Variants in MMP3 observed in about 807,000 individuals in gnomAD.
The protein encoded by MMP3 is matrix metallopeptidase 3, also known as stromelysin-1.
Under a neutral mutation model 47.3 loss-of-function variants are expected in MMP3, and 46 were observed. The observed-to-expected ratio is 0.97, with a 90% CI of 0.77 to 1.24. The LOEUF is 1.24. MMP3 is among the 50% of genes most tolerant of loss of function. MMP3 has a pLI of 0.00. For missense variants in MMP3, 558 were observed against 565.5 expected (o/e 0.99, Z 0.13); for synonymous variants, 216 against 206.5 (o/e 1.05, Z -0.39).
rs556834814 is a variant in MMP3 at position 102,836,534 on chromosome 11, A to C, written c.1334-308T>G. On this transcript the variant is annotated intron_variant, in intron 9 of 9. Transcript: ENST00000299855. This position sits in a 1 kb window ranked among gnomAD's most constrained non-coding sequence, Gnocchi z 4.6. ...GCACTCGGTGCCAGCTCTGTCTGAA[A>C]ACACAGCCAGATTCCAGGTTACAGG... 2.0e-6 allele frequency: 1 copy of C among 511,210 alleles called. No individual in the cohort carries two copies. Among genetic ancestry groups the C allele is most frequent in the Admixed American group, 2.3e-5 (1 of 43,804 alleles). 31.7% of individuals were successfully genotyped at this position (511,210 alleles called of 1,614,324 possible). A position where few individuals can be genotyped will look rare whatever the true frequency, so the allele number is the denominator to read the frequency against.
At chr11:102,843,341 A>T in intron 1 of MMP3, 101 bp downstream of exon 1, 2 of 807,170 alleles carry the variant, frequency 2.5e-6, no homozygotes. Context: ...CTGTTCCTAC[A>T]CAGTAAGCTC....
At position 102,838,678 on chromosome 11, in the gene MMP3, C is replaced by G. The variant is rs1858932555; in HGVS notation, c.1102G>C (p.Val368Leu). The change falls in exon 8 of 10, where the codon GTA (valine) becomes CTA (leucine). Residue 368 changes from valine (V) to leucine (L), a missense_variant. Val to Leu is a conservative substitution (Grantham distance 32). Coordinates refer to ENST00000299855, the MANE Select transcript of MMP3 (RefSeq NM_002422.5). ...ATGCCTCTTGGGTATCCAGCTCGTA[C>G]CTCATTTCCTCTGATAGCCCAGAAT... The part of the protein sequence containing the change: ...NQFWAIRGNE[V>L]RAGYPRGIHT... 5 of 1,613,620 alleles carry G rather than the reference C, an allele frequency of 3.1e-6. No homozygotes were observed. Among genetic ancestry groups the G allele is most frequent in the Middle Eastern group, 1.6e-4 (1 of 6,082 alleles).
chr11:102,838,737 A>C, intron 7 of MMP3, 27 bp from the exon 8 acceptor site: 1 of 1,596,186 alleles, frequency 6.3e-7, no homozygotes, highest in Non-Finnish European at 8.6e-7. Flanking sequence ...ATTCAGAGTC[A>C]TATTGAATTA....
At position 102,843,497 on chromosome 11, in the gene MMP3, G is replaced by C; in HGVS notation, c.50C>G (p.Ala17Gly). The C allele has an allele frequency of 6.2e-7, 1 of 1,613,714 alleles. No individual in the cohort carries two copies. Among genetic ancestry groups the C allele is most frequent in the Non-Finnish European group, 8.5e-7 (1 of 1,179,822 alleles). Residue 17 changes from alanine to glycine, a missense_variant, in exon 1 of 10, where the codon GCC becomes GGC. Physicochemically the swap from Ala to Gly is moderately conservative, Grantham distance 60. Coordinates refer to ENST00000299855, the MANE Select transcript of MMP3 (RefSeq NM_002422.5). ...LLLLCVAVCSAYPLDGAARGE... is the reference protein window; with the variant it reads ...LLLLCVAVCSGYPLDGAARGE... ...CCTTGCAGCTCCATCCAATGGATAGGCTGAGCAAACTGCCACGCACAGCAA... is the reference window on the plus strand; with the variant it reads ...CCTTGCAGCTCCATCCAATGGATAGCCTGAGCAAACTGCCACGCACAGCAA...
At chr11:102,838,084 T>A (rs1465369841) in intron 8 of MMP3, among the ~76,000 whole-genome samples, 1 of 152,138 alleles carries the variant, frequency 6.6e-6, no homozygotes, top group African/African-American at 2.4e-5. Context: ...TATAGTAGTG[T>A]TAGGAAGACA....
chr11:102,842,598 A>G lies in MMP3; in HGVS notation c.351-19T>C, dbSNP rs1555005726. The G allele has an allele frequency of 1.2e-6, 2 of 1,613,478 alleles. No individual in the cohort carries two copies. On this transcript the variant is annotated intron_variant, in intron 2 of 9. Coordinates refer to ENST00000299855, the MANE Select transcript of MMP3 (RefSeq NM_002422.5). ...CACAATCCTGTAGGAGAAAAATTGAAGCAGATGCTATTTTCTCCTATGATA... is the reference window on the plus strand; with the variant it reads ...CACAATCCTGTAGGAGAAAAATTGAGGCAGATGCTATTTTCTCCTATGATA...
At chr11:102,839,285 T>G in intron 6 of MMP3, 42 bp from the exon 7 acceptor site, 1 of 1,610,674 alleles carries the variant, frequency 6.2e-7, no homozygotes, top group Non-Finnish European at 8.5e-7. Flanking sequence ...AAAAACAATC[T>G]TTCACCTTTA....
At position 102,843,471 on chromosome 11, in the gene MMP3, C is replaced by A. The variant is rs1555005939; in HGVS notation, c.76G>T (p.Gly26Cys). The A allele has an allele frequency of 6.2e-7, 1 of 1,613,532 alleles. No individual in the cohort carries two copies. Among genetic ancestry groups the A allele is most frequent in the South Asian group, 1.1e-5 (1 of 91,010 alleles). Residue 26 changes from glycine (G) to cysteine (C), a missense_variant, in exon 1 of 10, where the codon GGT (glycine) becomes TGT (cysteine). By Grantham distance (159) the Gly-to-Cys change is radical. Coordinates refer to ENST00000299855, the MANE Select transcript of MMP3 (RefSeq NM_002422.5). ...ACAAGGTTCATGCTGGTGTCCTCACCCCTTGCAGCTCCATCCAATGGATAG... is the reference window on the plus strand; with the variant it reads ...ACAAGGTTCATGCTGGTGTCCTCACACCTTGCAGCTCCATCCAATGGATAG... ...SAYPLDGAAR[G>C]EDTSMNLVQK...
intron 5 of MMP3, 56 bp from the exon 6 acceptor site, chr11:102,840,308 C>T: frequency 6.3e-6 from 10 of 1,596,736 alleles, no homozygotes; most frequent in Non-Finnish European, 8.5e-6. Context: ...CATTTGTATG[C>T]TTTCCAAACA....
intron 4 of MMP3, among the ~76,000 whole-genome samples, chr11:102,840,939 C>A (rs887890476): frequency 5.9e-5 from 9 of 151,544 alleles, no homozygotes; most frequent in Non-Finnish European, 1.0e-4. Flanking sequence ...CTTAGCATAT[C>A]AGATATTTAC....
chr11:102,841,791 G>A (rs1555005459), intron 4 of MMP3, among the ~76,000 whole-genome samples: 1 of 151,890 alleles, frequency 6.6e-6, no homozygotes, highest in Non-Finnish European at 1.5e-5. Context: ...GTAAATGGAG[G>A]AAATTACATA....
chr11:102,841,714 A>AG (rs1428926373), intron 4 of MMP3, among the ~76,000 whole-genome samples: 1 of 142,392 alleles, frequency 7.0e-6, no homozygotes, highest in Non-Finnish European at 1.6e-5. Flanking sequence ...CTCAGCCAGA[A>AG]AAAAAAAAAA....
rs575994222 is a variant in MMP3 at position 102,840,490 on chromosome 11, G to A, written c.729C>T (p.Leu243=). 1.2e-6 allele frequency: 2 copies of A among 1,614,116 alleles called. No individual in the cohort carries two copies. Among genetic ancestry groups the A allele is most frequent in the Non-Finnish European group, 1.7e-6 (2 of 1,180,002 alleles). ...EALMYPLYHS[L]TDLTRFRLSQ... ...ACAGGCGGAACCGAGTCAGGTCTGT[G>A]AGTGAGTGATAGAGTGGGTACATCA... The change falls in exon 5 of 10, where the codon CTC becomes CTT. Residue 243 remains leucine (L), a synonymous_variant. Coordinates refer to ENST00000299855, the MANE Select transcript of MMP3 (RefSeq NM_002422.5).
chr11:102,837,205 A>G lies in MMP3; in HGVS notation c.1333+93T>C. 2 of 952,680 alleles carry G rather than the reference A, an allele frequency of 2.1e-6. 1 individual carries two copies. Among genetic ancestry groups the G allele is most frequent in the Non-Finnish European group, 3.3e-6 (2 of 609,838 alleles). The allele number at this position is 952,680 out of a possible 1,614,324, so 59.0% of individuals were successfully genotyped here. On this transcript the variant is annotated intron_variant, in intron 9 of 9. Coordinates refer to ENST00000299855, the MANE Select transcript of MMP3 (RefSeq NM_002422.5). The surrounding 1 kb of genome is among the most constrained non-coding windows in gnomAD (Gnocchi z 4.4). ...GAGAAGGGAACTGGCCCTAAGAAAC[A>G]CTTGTTATTAAAAAGTTTCAATGCT...
In MMP3 at chr11:102,836,277, T is replaced by C. The variant is rs1555004539; in HGVS notation, c.1334-51A>G. 1 of 1,370,480 alleles carries C rather than the reference T, an allele frequency of 7.3e-7. No homozygotes were observed. The highest frequency in any genetic ancestry group is 2.3e-5 in the East Asian group (1 of 43,600). 84.9% of individuals were successfully genotyped at this position (1,370,480 alleles called of 1,614,324 possible). A position where few individuals can be genotyped will look rare whatever the true frequency, so the allele number is the denominator to read the frequency against. On this transcript the variant is annotated intron_variant, in intron 9 of 9. Transcript: ENST00000299855. The surrounding 1 kb of genome is among the most constrained non-coding windows in gnomAD (Gnocchi z 4.6). Reference sequence around the variant, plus strand: ...TAAGATATTTTTCCAAATAAAGACATTTGACAATATACAAAACTCAGAATC... The same window carrying C: ...TAAGATATTTTTCCAAATAAAGACACTTGACAATATACAAAACTCAGAATC...
chr11:102,841,505 T>C (rs1243326417), intron 4 of MMP3, among the ~76,000 whole-genome samples: 2 of 152,228 alleles, frequency 1.3e-5, no homozygotes, highest in Non-Finnish European at 2.9e-5. Context: ...TTAATTGTTT[T>C]CCTATTTTTT....
chr11:102,840,004 G>A (rs1555005177), intron 6 of MMP3, 104 bp downstream of exon 6: 4 of 1,276,162 alleles, frequency 3.1e-6, no homozygotes, highest in African/African-American at 3.0e-5. Flanking sequence ...CAGAAGAAAC[G>A]TTTTTGTTTT....
chr11:102,837,200 G>T lies in MMP3; in HGVS notation c.1333+98C>A. ...ATTTTGAGAAGGGAACTGGCCCTAA[G>T]AAACACTTGTTATTAAAAAGTTTCA... On this transcript the variant is annotated intron_variant, in intron 9 of 9. Coordinates refer to ENST00000299855, the MANE Select transcript of MMP3 (RefSeq NM_002422.5). This position sits in a 1 kb window ranked among gnomAD's most constrained non-coding sequence, Gnocchi z 4.4. 1.1e-6 allele frequency: 1 copy of T among 907,672 alleles called. No homozygotes were observed. The highest frequency in any genetic ancestry group is 1.6e-5 in the South Asian group (1 of 63,192). The allele number at this position is 907,672 out of a possible 1,614,324, so 56.2% of individuals were successfully genotyped here.
intron 1 of MMP3, 87 bp from the exon 2 acceptor site, chr11:102,843,003 T>G: frequency 8.5e-7 from 1 of 1,173,164 alleles, no homozygotes; most frequent in South Asian, 1.7e-5. Flanking sequence ...GTTGCTCACT[T>G]CTTAATCTAT....
Sources: gnomAD v4.1 joint callset for allele counts (sites outside exome capture counted in the v4.1 genomes callset) on GRCh38, gnomAD v4.1.1 for gene constraint, Gnocchi (gnomAD v3.1) non-coding constraint, MANE v1.5 for transcripts, NCBI Gene and HGNC (gene_info 2026-07-23, HGNC 2026-07-21) for gene names.